AP3B1: variants seen among roughly 807,000 people sequenced by gnomAD.
AP3B1 encodes the protein AP-3 complex subunit beta-1.
AP3B1 carries 61 observed loss-of-function variants against 132.5 expected under a neutral mutation model. The ratio of observed to expected loss-of-function variants is 0.46; its 90% CI spans 0.37 to 0.57. AP3B1 has a LOEUF of 0.57. Among genes scored for constraint, AP3B1 ranks in the 20% least tolerant of loss-of-function variants. The pLI is 0.00. For missense variants in AP3B1, 1,120 were observed against 1,289.4 expected (o/e 0.87, Z 2.01); for synonymous variants, 388 against 438.3 (o/e 0.89, Z 1.43).
chr5:78,175,866 G>A, intron 9 of AP3B1, 28 bp from the exon 10 acceptor site: 1 of 1,543,362 alleles, frequency 6.5e-7, no homozygotes, highest in Non-Finnish European at 8.9e-7. Flanking sequence ...ATTTTTACTG[G>A]GTATATGTTC....
At chr5:78,105,736 T>C (rs963731231) in intron 20 of AP3B1, among the ~76,000 whole-genome samples, 3 of 152,212 alleles carry the variant, frequency 2.0e-5, no homozygotes, top group Non-Finnish European at 2.9e-5. Context: ...AAAATACGCT[T>C]ATCAATCAAC....
chr5:78,278,200 T>C (rs1214849320), intron 1 of AP3B1, among the ~76,000 whole-genome samples: 1 of 152,192 alleles, frequency 6.6e-6, no homozygotes, highest in Non-Finnish European at 1.5e-5. Flanking sequence ...ATATATAAAC[T>C]AAACTATGTC....
chr5:78,214,911 AATC>A (rs1425053898), intron 7 of AP3B1, among the ~76,000 whole-genome samples: 53 of 152,314 alleles, frequency 3.5e-4, no homozygotes, highest in African/African-American at 1.2e-3. Flanking sequence ...TGGATAACAT[AATC>A]ATCATTTTGT....
intron 7 of AP3B1, among the ~76,000 whole-genome samples, chr5:78,212,082 C>A (rs1158169024): frequency 6.6e-6 from 1 of 152,156 alleles, no homozygotes; most frequent in East Asian, 1.9e-4. Flanking sequence ...GAGTTCAACA[C>A]CAGCCTGGCC....
intron 22 of AP3B1, among the ~76,000 whole-genome samples, chr5:78,062,606 C>G (rs1173821882): frequency 6.6e-6 from 1 of 152,156 alleles, no homozygotes; most frequent in Non-Finnish European, 1.5e-5. Context: ...CATAAGCTTA[C>G]TGTGTTAGAA....
chr5:78,014,926 T>C (rs1469220334), intron 26 of AP3B1, among the ~76,000 whole-genome samples: 7 of 152,184 alleles, frequency 4.6e-5, no homozygotes, highest in African/African-American at 1.7e-4. Context: ...ACAGAAGCTG[T>C]ATTTACCCCC....
intron 2 of AP3B1, among the ~76,000 whole-genome samples, chr5:78,248,676 C>A (rs1747488269): frequency 6.6e-6 from 1 of 152,050 alleles, no homozygotes; most frequent in Non-Finnish European, 1.5e-5. Context: ...TTTGATTGGT[C>A]CGCCTAAATA....
At chr5:78,245,261 A>G (rs1747330785) in intron 2 of AP3B1, among the ~76,000 whole-genome samples, 1 of 152,202 alleles carries the variant, frequency 6.6e-6, no homozygotes, top group African/African-American at 2.4e-5. Context: ...AATAGGCGTA[A>G]TCTACAGCGA....
At chr5:78,289,247 A>C (rs1580599717) in intron 1 of AP3B1, among the ~76,000 whole-genome samples, 1 of 152,222 alleles carries the variant, frequency 6.6e-6, no homozygotes, top group Admixed American at 6.5e-5. Context: ...AGACACATGT[A>C]ATCTTCCTAC....
In AP3B1 at chr5:78,101,697, A is replaced by C. The variant is rs562940308; in HGVS notation, c.2398-672T>G. Among the ~76,000 whole-genome samples, 20 of 152,192 alleles carry C rather than the reference A, an allele frequency of 1.3e-4. No homozygotes were observed. The South Asian group carries it at 3.7e-3, about 28-fold the overall frequency. On this transcript the variant is annotated intron_variant, in intron 20 of 26. Transcript: ENST00000255194. The stretch of plus-strand genomic sequence containing the variant: ...CAGCAGAGATTTGCTTATTCGGTCT[A>C]CTGTACTTACAAAATGTATATATCC...
chr5:78,148,516 A>C lies in AP3B1; in HGVS notation c.1474-7197T>G, dbSNP rs116607086. Among the ~76,000 whole-genome samples, 988 of 152,188 alleles carry C rather than the reference A, an allele frequency of 6.5e-3. 3 individuals are homozygous for C. Among genetic ancestry groups the C allele is most frequent in the Middle Eastern group, 0.034 (10 of 294 alleles). The stretch of plus-strand genomic sequence containing the variant: ...TCTCTCCACTCTCTTCCTCCCACAA[A>C]ACCTTTAACATTCTTTTATTCTGAC... On this transcript the variant is annotated intron_variant, in intron 14 of 26. Coordinates refer to ENST00000255194, the MANE Select transcript of AP3B1 (RefSeq NM_003664.5).
intron 22 of AP3B1, among the ~76,000 whole-genome samples, chr5:78,060,232 C>T (rs1427931541): frequency 6.6e-6 from 1 of 152,098 alleles, no homozygotes; most frequent in Non-Finnish European, 1.5e-5. Context: ...CATTCTGCAA[C>T]CATTTGTGTC....
chr5:78,007,595 G>A (rs758687673), intron 26 of AP3B1, among the ~76,000 whole-genome samples: 1 of 152,156 alleles, frequency 6.6e-6, no homozygotes, highest in South Asian at 2.1e-4. Context: ...GAAGTCGCAC[G>A]ATCATTATAT....
At chr5:78,116,797 G>A (rs958307715) in intron 17 of AP3B1, among the ~76,000 whole-genome samples, 32 of 151,806 alleles carry the variant, frequency 2.1e-4, no homozygotes, top group African/African-American at 7.5e-4. Flanking sequence ...TGGACTACTC[G>A]TTACCTTGCT....
intron 24 of AP3B1, among the ~76,000 whole-genome samples, chr5:78,024,579 T>C (rs1747252584): frequency 6.7e-6 from 1 of 148,446 alleles, no homozygotes; most frequent in Non-Finnish European, 1.5e-5. Context: ...TTTTTTTTTT[T>C]TTTGAGACAG....
chr5:78,282,527 G>C (rs1749103255), intron 1 of AP3B1, among the ~76,000 whole-genome samples: 1 of 152,046 alleles, frequency 6.6e-6, no homozygotes, highest in Admixed American at 6.6e-5. Context: ...TTTGTATTAA[G>C]CTGGTGCAAA....
intron 3 of AP3B1, among the ~76,000 whole-genome samples, chr5:78,238,836 T>C (rs1746992059): frequency 6.6e-6 from 1 of 151,202 alleles, no homozygotes; most frequent in Non-Finnish European, 1.5e-5. Context: ...AATAATTATA[T>C]TAAGTGTTAG....
At chr5:78,030,913 C>T (rs186786096) in intron 24 of AP3B1, among the ~76,000 whole-genome samples, 2 of 152,280 alleles carry the variant, frequency 1.3e-5, no homozygotes, top group Admixed American at 1.3e-4. Context: ...CTCCTGGGCT[C>T]AAACAATTCT....
At chr5:78,057,183 G>A (rs252781) in intron 22 of AP3B1, among the ~76,000 whole-genome samples, 39,055 of 151,978 alleles carry the variant, frequency 0.26, 5,690 homozygotes, top group Admixed American at 0.39. Flanking sequence ...TTCCACAATC[G>A]ACTGAGGTTT....
Sources: gnomAD v4.1 joint callset for allele counts (sites outside exome capture counted in the v4.1 genomes callset) on GRCh38, gnomAD v4.1.1 for gene constraint, MANE v1.5 for transcripts, NCBI Gene and HGNC (gene_info 2026-07-23, HGNC 2026-07-21) for gene names.